H2AZ2: variants seen among roughly 807,000 people sequenced by gnomAD.
H2AZ2 encodes histone H2A.V.
Under a neutral mutation model 15.5 loss-of-function variants are expected in H2AZ2, and 5 were observed. The observed-to-expected ratio is 0.32, with a 90% confidence interval of 0.17 to 0.68. H2AZ2 has a LOEUF of 0.68. H2AZ2 is among the 30% of genes least tolerant of loss of function. The pLI is 0.72. For synonymous variants in H2AZ2, 44 were observed against 57.4 expected (o/e 0.77, Z 1.05); for missense variants, 42 against 162.5 (o/e 0.26, Z 4.03).
chr7:44,838,855 C>G (rs1199233033), intron 3 of H2AZ2, among the ~76,000 whole-genome samples: 7 of 152,210 alleles, frequency 4.6e-5, no homozygotes, highest in Non-Finnish European at 1.0e-4. Context: ...AGCTCCCAAT[C>G]ACATCTCCCC....
downstream of H2AZ2, chr7:44,830,295 A>G: frequency 1.2e-6 from 1 of 826,524 alleles, no homozygotes; most frequent in Non-Finnish European, 1.8e-6. Flanking sequence ...GGTGAGTATA[A>G]GAATTCACTG....
intron 3 of H2AZ2, among the ~76,000 whole-genome samples, chr7:44,838,546 C>T (rs977090220): frequency 1.1e-4 from 17 of 151,964 alleles, no homozygotes; most frequent in African/African-American, 2.9e-4. Flanking sequence ...CCAGCTACTC[C>T]GGAGGCTGAG....
chr7:44,836,958 T>C (rs922030626), intron 3 of H2AZ2, among the ~76,000 whole-genome samples: 1 of 151,536 alleles, frequency 6.6e-6, no homozygotes, highest in Admixed American at 6.6e-5. Context: ...ATGGCGCCAC[T>C]GCACTCCAGC....
downstream of H2AZ2, chr7:44,827,019 A>G (rs1792934330): frequency 6.6e-6 from 1 of 152,164 alleles, no homozygotes. Flanking sequence ...CAAATCAACT[A>G]GCTTGCTTTT....
chr7:44,846,473 A>T lies in H2AZ2; in HGVS notation c.3+1496T>A, dbSNP rs1442982488. Among the ~76,000 whole-genome samples, 4 of 151,880 alleles carry T rather than the reference A, an allele frequency of 2.6e-5. No individual in the cohort carries two copies. The East Asian group carries it at 7.7e-4, about 29-fold the overall frequency. On this transcript the variant is annotated intron_variant, in intron 1 of 4. Transcript: ENST00000308153. ...TCTACTAAAAATACAAAAAATTAGC[A>T]GGGCGTGGTGGCGCACGCCTGTAGC...
At chr7:44,847,823 GC>G (rs1316337708) in intron 1 of H2AZ2, 145 bp downstream of exon 1, 15 of 1,126,160 alleles carry the variant, frequency 1.3e-5, no homozygotes, top group East Asian at 3.1e-5. Context: ...GGGACATGGC[GC>G]CCCCCGGCGG....
intron 1 of H2AZ2, 113 bp downstream of exon 1, chr7:44,847,856 C>A: frequency 1.4e-6 from 2 of 1,425,154 alleles, no homozygotes; most frequent in Non-Finnish European, 1.9e-6. Context: ...CTCGGCCGGA[C>A]GAAGCCCAGA....
rs1793037855 is a variant in H2AZ2 at position 44,833,331 on chromosome 7, C to T, written c.*1170G>A. Among the ~76,000 whole-genome samples the T allele has an allele frequency of 6.6e-6, 1 of 152,188 alleles. No individual in the cohort carries two copies. The highest frequency in any genetic ancestry group is 1.5e-5 in the Non-Finnish European group (1 of 68,044). ...CACTGCAAGCTCCGCCTCCCGGGTT[C>T]ACGTCATTCTCATGCCTCAGCCTCC... On this transcript the variant is annotated 3_prime_UTR_variant, in exon 5 of 5. Coordinates refer to ENST00000308153, the MANE Select transcript of H2AZ2 (RefSeq NM_012412.5).
At chr7:44,846,054 CACACACACAGAGAGAG>C (rs1793393428) in intron 1 of H2AZ2, among the ~76,000 whole-genome samples, 1 of 95,958 alleles carries the variant, frequency 1.0e-5, no homozygotes, top group Non-Finnish European at 2.6e-5. Flanking sequence ...CACACACACA[CACACACACAGAGAGAG>C]ACAGAGAGAG....
At chr7:44,838,248 C>T (rs866370117) in intron 3 of H2AZ2, among the ~76,000 whole-genome samples, 3 of 152,088 alleles carry the variant, frequency 2.0e-5, no homozygotes, top group Admixed American at 1.3e-4. Context: ...GCTGGGATTA[C>T]AGGCGTAAGC....
intron 3 of H2AZ2, among the ~76,000 whole-genome samples, chr7:44,838,579 G>A (rs552857745): frequency 6.6e-6 from 1 of 152,152 alleles, no homozygotes; most frequent in African/African-American, 2.4e-5. Context: ...CTGGAACCCA[G>A]AAGGCAGAGG....
chr7:44,830,260 T>C (rs188994649), downstream of H2AZ2: 114 of 1,193,266 alleles, frequency 9.6e-5, 1 homozygote, highest in African/African-American at 1.5e-3. Flanking sequence ...AAAATACAAG[T>C]AAAATGTTAA....
chr7:44,844,443 T>TCCTGGGTTACC (rs1793349968), intron 1 of H2AZ2, among the ~76,000 whole-genome samples: 2 of 152,182 alleles, frequency 1.3e-5, no homozygotes, highest in Admixed American at 1.3e-4. Context: ...GGTAGCTGCC[T>TCCTGGGTTACC]CCTGGGTTCA....
chr7:44,842,141 A>C (rs1380785484), intron 2 of H2AZ2, among the ~76,000 whole-genome samples: 2 of 152,192 alleles, frequency 1.3e-5, no homozygotes, highest in Non-Finnish European at 2.9e-5. Context: ...TTGTATCCTT[A>C]GTAACCAGTA....
At chr7:44,846,608 C>CAA (rs1371866727) in intron 1 of H2AZ2, among the ~76,000 whole-genome samples, 314 of 46,976 alleles carry the variant, frequency 6.7e-3, no homozygotes, top group African/African-American at 0.023. Flanking sequence ...GACTCCGTCT[C>CAA]AAAAAAAAAA....
At position 44,843,362 on chromosome 7, in the gene H2AZ2, C is replaced by T; in HGVS notation, c.4-8G>A. The T allele has an allele frequency of 6.3e-7, 1 of 1,587,740 alleles. No individual in the cohort carries two copies. The highest frequency in any genetic ancestry group is 8.6e-7 in the Non-Finnish European group (1 of 1,167,088). On this transcript the variant is annotated splice_polypyrimidine_tract_variant and splice_region_variant and intron_variant, in intron 1 of 4. Transcript: ENST00000308153. ...TCCAGCTTTGCCTCCAGCCTAAATG[C>T]AAAAAAAAATTTTTTTGAATGAAAA... is the stretch of plus-strand genomic sequence containing the variant.
rs1176284607 is a variant in H2AZ2 at position 44,832,008 on chromosome 7, T to C, written c.*2493A>G. Among the ~76,000 whole-genome samples, 3 of 152,086 alleles carry C rather than the reference T, an allele frequency of 2.0e-5. No individual in the cohort carries two copies. The highest frequency in any genetic ancestry group is 7.2e-5 in the African/African-American group (3 of 41,380). The stretch of plus-strand genomic sequence containing the variant: ...TAGATCTGTCAGTTTATAGAACATA[T>C]AGGGGACAGAAAAGGTGTACATGAT... On this transcript the variant is annotated 3_prime_UTR_variant, in exon 5 of 5. Coordinates refer to ENST00000308153, the MANE Select transcript of H2AZ2 (RefSeq NM_012412.5).
At chr7:44,829,806 G>A (rs111898421), downstream of H2AZ2, 212 of 202,312 alleles carry the variant, frequency 1.0e-3, no homozygotes, top group African/African-American at 4.4e-3. Flanking sequence ...AGTGCCTGGA[G>A]ATCCTCAGAC....
intron 1 of H2AZ2, 104 bp downstream of exon 1, chr7:44,847,865 G>A: frequency 1.3e-6 from 2 of 1,483,400 alleles, no homozygotes; most frequent in East Asian, 2.8e-5. Context: ...ACGAAGCCCA[G>A]ACACCCGCAA....
Sources: allele counts gnomAD v4.1 joint callset (sites outside exome capture counted in the v4.1 genomes callset), GRCh38; gene constraint gnomAD v4.1.1; transcripts MANE v1.5; gene names NCBI Gene and HGNC (gene_info 2026-07-23, HGNC 2026-07-21).